BDH2: variants seen among roughly 807,000 people sequenced by gnomAD.
The protein encoded by BDH2 is dehydrogenase/reductase SDR family member 6.
In BDH2, 24 loss-of-function variants were observed where a neutral mutation model predicts 33.2. The ratio of observed to expected loss-of-function variants is 0.72; its 90% confidence interval spans 0.52 to 1.02. The LOEUF (loss-of-function observed/expected upper bound fraction) is 1.02, where lower values mean the gene tolerates loss of function less well. BDH2 is among the 50% of genes least tolerant of loss of function. The pLI, the probability that BDH2 is intolerant of heterozygous loss-of-function variation, is 0.00. For synonymous variants in BDH2, 81 were observed against 101.6 expected (o/e 0.80, Z 1.22); for missense variants, 249 against 301.6 (o/e 0.83, Z 1.29).
chr4:103,082,337 TTG>T (rs1747564597), intron 8 of BDH2, among the ~76,000 whole-genome samples, 164 bp from the exon 9 acceptor site: 2 of 152,328 alleles, frequency 1.3e-5, no homozygotes, highest in East Asian at 1.9e-4. Flanking sequence ...CTCAAATTGT[TTG>T]TGTTATACTA....
chr4:103,091,755 AAG>A lies in BDH2; in HGVS notation c.249-472_249-471del, dbSNP rs111558110. ...GACAAACCCTGTTTCAGAAAAAAAA[AAG>A]AGAGAGAGAAAAAACATCTGCCCTA... On this transcript the variant is annotated intron_variant, in intron 4 of 9. Transcript: ENST00000296424. The A allele has an allele frequency of 6.3e-4, 289 of 455,938 alleles. 4 individuals carry two copies. The highest frequency in any genetic ancestry group is 2.2e-3 in the South Asian group (144 of 64,524). 28.2% of individuals were successfully genotyped at this position (455,938 alleles called of 1,614,324 possible).
intron 5 of BDH2, 119 bp from the exon 6 acceptor site, chr4:103,086,659 C>G (rs995340206): frequency 2.3e-6 from 3 of 1,278,062 alleles, no homozygotes; most frequent in Non-Finnish European, 3.2e-6. Context: ...ACTGTATTAG[C>G]TAGTCACATT....
chr4:103,085,528 C>A, intron 6 of BDH2, 66 bp from the exon 7 acceptor site: 1 of 1,477,338 alleles, frequency 6.8e-7, no homozygotes, highest in African/African-American at 1.4e-5. Context: ...AGAAAGGTAA[C>A]ACAAATAAGT....
At chr4:103,091,317 C>T (rs956394431) in intron 4 of BDH2, 32 bp from the exon 5 acceptor site, 9 of 1,468,342 alleles carry the variant, frequency 6.1e-6, no homozygotes, top group Non-Finnish European at 8.6e-6. Context: ...GGAAGAATAA[C>T]TGCCATTAAA....
intron 7 of BDH2, among the ~76,000 whole-genome samples, chr4:103,083,713 T>C (rs1218248791): frequency 1.3e-5 from 2 of 152,226 alleles, no homozygotes; most frequent in Non-Finnish European, 2.9e-5. Context: ...AATGTGATCT[T>C]TCTGAGGTTG....
rs533096753 is a variant in BDH2 at position 103,096,320 on chromosome 4, T to G, written c.-20-46A>C. ...TGGGTTATACTGTAGAACATGATCT[T>G]GAGCAGGCAGTAACATCTAGAATGA... On this transcript the variant is annotated intron_variant, in intron 1 of 9. Coordinates refer to ENST00000296424, the MANE Select transcript of BDH2 (RefSeq NM_020139.4). 2.9e-4 allele frequency: 368 copies of G among 1,259,688 alleles called. 1 individual carries two copies. Among genetic ancestry groups the G allele is most frequent in the Non-Finnish European group, 4.0e-4 (345 of 867,628 alleles). The allele number at this position is 1,259,688 out of a possible 1,614,324, so 78.0% of individuals were successfully genotyped here.
Position 103,079,226 on chromosome 4 carries a change from G to C in BDH2, c.*476C>G, listed in dbSNP as rs932960482. ...TGTCCTTATAAAAAGACACATGAGC[G>C]CTCGCTTTTTTTCTCTGCTCTTGCT... On this transcript the variant is annotated 3_prime_UTR_variant, in exon 10 of 10. Transcript: ENST00000296424. Among the ~76,000 whole-genome samples the C allele has an allele frequency of 6.6e-6, 1 of 152,166 alleles. No homozygotes were observed. Among genetic ancestry groups the C allele is most frequent in the Non-Finnish European group, 1.5e-5 (1 of 68,012 alleles).
chr4:103,094,061 A>G, intron 3 of BDH2, among the ~76,000 whole-genome samples: 1 of 152,058 alleles, frequency 6.6e-6, no homozygotes, highest in East Asian at 1.9e-4. Flanking sequence ...CTTTGGGTAA[A>G]CTGCAATTAA....
Position 103,098,116 on chromosome 4 carries a change from A to G in BDH2, c.-21+1667T>C, listed in dbSNP as rs192224465. 3.5e-3 allele frequency among the ~76,000 whole-genome samples: 540 copies of G among 152,258 alleles called. 3 individuals are homozygous for G. Among genetic ancestry groups the G allele is most frequent in the Middle Eastern group, 0.014 (4 of 294 alleles). Reference sequence around the variant, plus strand: ...TCGTATTTTGGAAGGACTGCTGTGGAGAACATACCTGGGCAGGAGCATGGG... The same window carrying G: ...TCGTATTTTGGAAGGACTGCTGTGGGGAACATACCTGGGCAGGAGCATGGG... On this transcript the variant is annotated intron_variant, in intron 1 of 9. Coordinates refer to ENST00000296424, the MANE Select transcript of BDH2 (RefSeq NM_020139.4).
chr4:103,097,229 T>A (rs541969831), intron 1 of BDH2, among the ~76,000 whole-genome samples: 1 of 152,326 alleles, frequency 6.6e-6, no homozygotes, highest in East Asian at 1.9e-4. Context: ...ACTTCCAGAC[T>A]CTTGCTATGT....
In BDH2 at chr4:103,078,977, C is replaced by A. The variant is rs898559017; in HGVS notation, c.*725G>T. ...ATAGGCATGAGCTACCATGCCTAGT[C>A]CTGAAATTACTATCTTCTTCCTTAA... On this transcript the variant is annotated 3_prime_UTR_variant, in exon 10 of 10. Transcript: ENST00000296424. 1.8e-4 allele frequency among the ~76,000 whole-genome samples: 28 copies of A among 152,254 alleles called. No individual in the cohort carries two copies. The highest frequency in any genetic ancestry group is 6.5e-4 in the African/African-American group (27 of 41,544).
intron 1 of BDH2, chr4:103,098,831 ATCTTGGAGTCTGCT>A (rs1040516805): frequency 2.0e-5 from 3 of 152,108 alleles, no homozygotes; most frequent in Admixed American, 1.3e-4. Context: ...ATTTAATTCT[ATCTTGGAGTCTGCT>A]TCTTGGAGGA....
At position 103,078,217 on chromosome 4, in the gene BDH2, C is replaced by T. The variant is rs945120886; in HGVS notation, c.*1485G>A. 6.6e-6 allele frequency among the ~76,000 whole-genome samples: 1 copy of T among 152,034 alleles called. No homozygotes were observed. Among genetic ancestry groups the T allele is most frequent in the African/African-American group, 2.4e-5 (1 of 41,366 alleles). ...TTAAAATAAAAACAAAAAACTTTGCCCTGACAATGTTACAGAATTAACATC... is the reference window on the plus strand; with the variant it reads ...TTAAAATAAAAACAAAAAACTTTGCTCTGACAATGTTACAGAATTAACATC... On this transcript the variant is annotated 3_prime_UTR_variant, in exon 10 of 10. Coordinates refer to ENST00000296424, the MANE Select transcript of BDH2 (RefSeq NM_020139.4).
chr4:103,095,758 T>C (rs1235621748), intron 2 of BDH2, among the ~76,000 whole-genome samples: 2 of 152,212 alleles, frequency 1.3e-5, no homozygotes, highest in Non-Finnish European at 2.9e-5. Context: ...GTGCCGATAT[T>C]AGCTTAAGTG....
At chr4:103,082,843 T>C (rs1356803448) in intron 8 of BDH2, 28 bp downstream of exon 8, 7 of 1,575,340 alleles carry the variant, frequency 4.4e-6, no homozygotes, top group Non-Finnish European at 6.1e-6. Context: ...AACAAAAGGT[T>C]TAAATACATT....
chr4:103,079,811 A>G, intron 9 of BDH2, 56 bp from the exon 10 acceptor site: 1 of 1,540,194 alleles, frequency 6.5e-7, no homozygotes, highest in Non-Finnish European at 9.0e-7. Flanking sequence ...TACAGGCTGT[A>G]TTTTGAAATT....
At chr4:103,091,777 G>A (rs1004996506) in intron 4 of BDH2, 2 of 455,284 alleles carry the variant, frequency 4.4e-6, no homozygotes, top group African/African-American at 4.0e-5. Context: ...AAAAACATCT[G>A]CCCTATTTGC....
chr4:103,097,645 T>G (rs569651462), intron 1 of BDH2: 2 of 152,342 alleles, frequency 1.3e-5, no homozygotes, highest in African/African-American at 4.8e-5. Context: ...CCTTTCTATT[T>G]AAGAAGGAAA....
intron 5 of BDH2, among the ~76,000 whole-genome samples, chr4:103,090,287 A>T (rs998871772): frequency 6.6e-6 from 1 of 152,320 alleles, no homozygotes; most frequent in South Asian, 2.1e-4. Flanking sequence ...AACACTTTAT[A>T]TAGTGATTTA....
Sources: gnomAD v4.1 joint callset for allele counts (sites outside exome capture counted in the v4.1 genomes callset) on GRCh38, gnomAD v4.1.1 for gene constraint, MANE v1.5 for transcripts, NCBI Gene and HGNC (gene_info 2026-07-23, HGNC 2026-07-21) for gene names.